The following SYNE2 variants were observed in gnomAD, a reference collection of about 807,000 sequenced individuals.
SYNE2 encodes the protein spectrin repeat containing nuclear envelope protein 2.
SYNE2 carries 431 observed loss-of-function variants against 856.3 expected under a neutral mutation model. That is an observed-to-expected ratio of 0.50 (90% CI 0.47 to 0.55). The LOEUF (loss-of-function observed/expected upper bound fraction) is 0.55. Ranked by LOEUF, SYNE2 falls within the 20% of genes least tolerant of loss-of-function variation. SYNE2 has a pLI of 0.00. For missense variants in SYNE2, 8,129 were observed against 8,023.2 expected (o/e 1.01, Z -0.50); for synonymous variants, 2,923 against 2,872.3 (o/e 1.02, Z -0.56).
At chr14:63,916,314 C>T (rs1366365972) in intron 2 of SYNE2, among the ~76,000 whole-genome samples, 3 of 152,074 alleles carry the variant, frequency 2.0e-5, no homozygotes, top group African/African-American at 4.8e-5. Context: ...GTTATAAATT[C>T]CTCTCACTGT....
intron 105 of SYNE2, 92 bp downstream of exon 105, chr14:64,213,097 T>G: frequency 7.8e-7 from 1 of 1,276,770 alleles, no homozygotes; most frequent in Non-Finnish European, 1.1e-6. Flanking sequence ...TGTCTTATAA[T>G]GGTTAATTAT....
intron 1 of SYNE2, among the ~76,000 whole-genome samples, chr14:63,771,321 C>T (rs1474348368): frequency 6.6e-6 from 1 of 151,874 alleles, no homozygotes; most frequent in Non-Finnish European, 1.5e-5. Context: ...CCGCCCGCCT[C>T]GGCCTCCCAA....
intron 1 of SYNE2, among the ~76,000 whole-genome samples, chr14:63,774,239 C>T (rs61985716): frequency 0.42 from 64,233 of 151,674 alleles, 15,196 homozygotes; most frequent in South Asian, 0.63. Flanking sequence ...GAGGCTGAGG[C>T]GGGCAGATCA....
chr14:64,185,501 C>T (rs1384779187), intron 96 of SYNE2, among the ~76,000 whole-genome samples: 20 of 126,976 alleles, frequency 1.6e-4, no homozygotes, highest in East Asian at 2.4e-4. Flanking sequence ...TTTTTTTTTT[C>T]TTTTTCTTTT....
chr14:63,852,351 G>C (rs1890602062), upstream of SYNE2, among the ~76,000 whole-genome samples: 1 of 152,142 alleles, frequency 6.6e-6, no homozygotes, highest in Non-Finnish European at 1.5e-5. Flanking sequence ...CCTGCAAGAC[G>C]CAGTTCCAAG....
chr14:64,205,145 G>A lies in SYNE2; in HGVS notation c.18201+2182G>A, dbSNP rs138780922. Among the ~76,000 whole-genome samples, 13 of 152,142 alleles carry A rather than the reference G, an allele frequency of 8.5e-5. No homozygotes were observed. In the East Asian group the frequency reaches 2.1e-3, roughly 25 times the overall value. ...TTTCAAGGTCAGCTGATTAGCAACC[G>A]TAATTCTCCTTTGCCGTGTAATCTA... On this transcript the variant is annotated intron_variant, in intron 100 of 115. Coordinates refer to ENST00000555002, the MANE Select transcript of SYNE2 (RefSeq NM_182914.3).
chr14:64,207,814 T>TA (rs2098615307), intron 100 of SYNE2: 2 of 360,318 alleles, frequency 5.6e-6, no homozygotes, highest in Non-Finnish European at 1.1e-5. Flanking sequence ...GAATTTAACT[T>TA]AGTGTTTGCT....
intron 93 of SYNE2, 108 bp downstream of exon 93, chr14:64,169,079 C>A: frequency 1.2e-6 from 1 of 836,140 alleles, no homozygotes; most frequent in Non-Finnish European, 2.0e-6. Flanking sequence ...GCCCTGTGCC[C>A]TGTTGGTTGA....
chr14:64,040,168 A>G (rs2097136589), intron 45 of SYNE2, among the ~76,000 whole-genome samples: 1 of 152,202 alleles, frequency 6.6e-6, no homozygotes, highest in Admixed American at 6.5e-5. Flanking sequence ...TAAAAAAAGT[A>G]AAGTCTGATA....
At chr14:63,919,787 T>C (rs1156604675) in intron 2 of SYNE2, among the ~76,000 whole-genome samples, 2 of 152,052 alleles carry the variant, frequency 1.3e-5, no homozygotes, top group African/African-American at 2.4e-5. Flanking sequence ...GCCCACTGGA[T>C]TGCGCTCCTA....
At chr14:63,829,171 A>G (rs1012051590) in intron 1 of SYNE2, among the ~76,000 whole-genome samples, 4 of 152,066 alleles carry the variant, frequency 2.6e-5, no homozygotes, top group African/African-American at 9.7e-5. Context: ...TCAACAGTTT[A>G]GGAGGTCGAG....
At chr14:64,121,479 C>T (rs980998373) in intron 68 of SYNE2, among the ~76,000 whole-genome samples, 2 of 152,180 alleles carry the variant, frequency 1.3e-5, no homozygotes, top group African/African-American at 4.8e-5. Context: ...GCTAAGATCA[C>T]ACCACTCTAC....
chr14:64,089,439 T>G, intron 58 of SYNE2, 135 bp from the exon 59 acceptor site: 2 of 564,300 alleles, frequency 3.5e-6, no homozygotes, highest in East Asian at 3.5e-5. Context: ...CTATAGTGCT[T>G]GGTTAGTTTT....
intron 74 of SYNE2, among the ~76,000 whole-genome samples, chr14:64,129,476 G>C (rs953346257): frequency 4.6e-5 from 7 of 152,342 alleles, no homozygotes; most frequent in Admixed American, 6.5e-5. Context: ...AGCTAGATAT[G>C]TGTATACCAA....
chr14:63,945,441 T>TAGGGAAAAA (rs1282972600), intron 6 of SYNE2, among the ~76,000 whole-genome samples: 2 of 152,214 alleles, frequency 1.3e-5, no homozygotes, highest in Non-Finnish European at 2.9e-5. Flanking sequence ...GTGTTTGACT[T>TAGGGAAAAA]ATTTCATTTT....
chr14:64,107,258 T>C (rs2097777592), intron 64 of SYNE2, among the ~76,000 whole-genome samples: 1 of 152,214 alleles, frequency 6.6e-6, no homozygotes, highest in Non-Finnish European at 1.5e-5. Flanking sequence ...TCTAGATTGT[T>C]TATGTGCTCA....
intron 53 of SYNE2, among the ~76,000 whole-genome samples, chr14:64,074,580 G>A (rs1324332559): frequency 6.6e-6 from 1 of 152,116 alleles, no homozygotes; most frequent in African/African-American, 2.4e-5. Context: ...CAGCCCAAAA[G>A]TATGTTTGGA....
rs925484000 is a variant in SYNE2, at chr14:64,209,529, C to T, written c.18491C>T (p.Ser6164Phe). 1 of 1,614,208 alleles carries T rather than the reference C, an allele frequency of 6.2e-7. No homozygotes were observed. Among genetic ancestry groups the T allele is most frequent in the South Asian group, 1.1e-5 (1 of 91,074 alleles). ...GAGAGGACGGCAGCCTGCCCAAATT[C>T]CTCAGAGGTGTTGTACACGAGTGCC... ...SAERTAACPN[S>F]SEVLYTSAKE... The change falls in exon 102 of 116, where the codon TCC (serine) becomes TTC (phenylalanine). Residue 6164 changes from serine to phenylalanine, a missense_variant. Physicochemically the swap from Ser to Phe is radical, Grantham distance 155 (BLOSUM62 -2). Around this residue, in one of 3 missense-constraint regions of SYNE2, gnomAD observed 5,410 missense variants for 5,284.8 expected, o/e 1.02. Coordinates refer to ENST00000555002, the MANE Select transcript of SYNE2 (RefSeq NM_182914.3).
intron 65 of SYNE2, among the ~76,000 whole-genome samples, chr14:64,108,067 G>A (rs1179353655): frequency 6.6e-6 from 1 of 152,126 alleles, no homozygotes; most frequent in East Asian, 1.9e-4. Context: ...ATAGTTAGTG[G>A]GCCAGGCATG....
Sources: gnomAD v4.1 joint callset for allele counts (sites outside exome capture counted in the v4.1 genomes callset) on GRCh38, gnomAD v4.1.1 for gene constraint, gnomAD v4.1.1 regional missense constraint, MANE v1.5 for transcripts, NCBI Gene and HGNC (gene_info 2026-07-23, HGNC 2026-07-21) for gene names.